The following CFAP70 variants were observed in gnomAD, a reference collection of about 807,000 sequenced individuals.
CFAP70 encodes cilia- and flagella-associated protein 70.
A neutral mutation model predicts 137.6 loss-of-function variants in CFAP70; 81 were observed. The ratio of observed to expected loss-of-function variants is 0.59; its 90% confidence interval spans 0.49 to 0.71. CFAP70 has a LOEUF of 0.71. Ranked by LOEUF, CFAP70 falls within the 30% of genes least tolerant of loss-of-function variation. The probability of loss-of-function intolerance (pLI) is 0.00; values close to 1 mark genes in which losing one functional copy is unlikely to be tolerated. For synonymous variants in CFAP70, 382 were observed against 423.6 expected (o/e 0.90, Z 1.20); for missense variants, 976 against 1,226.7 (o/e 0.80, Z 3.05).
chr10:73,314,304 A>G (rs11000600), intron 9 of CFAP70, among the ~76,000 whole-genome samples: 16,082 of 152,216 alleles, frequency 0.11, 1,231 homozygotes, highest in East Asian at 0.3. Flanking sequence ...AAATAAATGC[A>G]GTTTATCAAT....
chr10:73,353,640 C>T (rs761988014), exon 3 of CFAP70: 15 of 1,614,052 alleles, frequency 9.3e-6, no homozygotes, highest in African/African-American at 2.7e-5. Context: ...TTGTATTTTG[C>T]ACTTCCTTCT....
intron 6 of CFAP70, among the ~76,000 whole-genome samples, chr10:73,335,935 G>C (rs2052606612): frequency 6.9e-6 from 1 of 145,842 alleles, no homozygotes; most frequent in African/African-American, 2.7e-5. Context: ...GAGGCCAGGA[G>C]TTCAAGACCA....
At chr10:73,307,532 A>T (rs975224808) in intron 12 of CFAP70, among the ~76,000 whole-genome samples, 1 of 152,224 alleles carries the variant, frequency 6.6e-6, no homozygotes, top group African/African-American at 2.4e-5. Context: ...CAGATATTCC[A>T]TACAAATAGT....
intron 25 of CFAP70, among the ~76,000 whole-genome samples, chr10:73,262,743 G>T (rs1564746040): frequency 6.6e-6 from 1 of 152,090 alleles, no homozygotes; most frequent in Non-Finnish European, 1.5e-5. Context: ...GTATCCACTG[G>T]GGGGTCTTGG....
intron 17 of CFAP70, 43 bp downstream of exon 18, chr10:73,291,833 ACTTAT>A (rs1322141059): frequency 6.2e-7 from 1 of 1,613,592 alleles, no homozygotes; most frequent in Admixed American, 1.7e-5. Context: ...TCACGTAGAA[ACTTAT>A]CTGTTCCTTC....
At chr10:73,307,009 A>G (rs1011519372) in intron 12 of CFAP70, among the ~76,000 whole-genome samples, 1 of 152,214 alleles carries the variant, frequency 6.6e-6, no homozygotes, top group Admixed American at 6.5e-5. Flanking sequence ...TGCATAAAAT[A>G]ATAATGATAA....
chr10:73,253,884 G>T, exon 27 of CFAP70: 1 of 1,007,882 alleles, frequency 9.9e-7, no homozygotes, highest in Non-Finnish European at 1.5e-6. Flanking sequence ...AGATTCTTTC[G>T]TTCTCCAGCT....
Position 73,312,662 on chromosome 10 carries a change from A to G in CFAP70, c.913-19T>C. On this transcript the variant is annotated intron_variant, in intron 9 of 26. Coordinates refer to ENST00000310715, the Ensembl canonical transcript of CFAP70. ...ATTTGGTCTGAAAAACAAAAAAACA[A>G]ACAAAAAAAAGCAATACATGAGACA... 6 of 1,537,756 alleles carry G rather than the reference A, an allele frequency of 3.9e-6. No individual in the cohort carries two copies. The highest frequency in any genetic ancestry group is 3.5e-6 in the Non-Finnish European group (4 of 1,149,500).
At chr10:73,257,876 CTTTT>C (rs745485451) in intron 25 of CFAP70, among the ~76,000 whole-genome samples, 1 of 129,902 alleles carries the variant, frequency 7.7e-6, no homozygotes, top group Admixed American at 7.9e-5. Flanking sequence ...CCTTTTCCTT[CTTTT>C]TTTTTTTTTT....
rs537834113 is a variant in CFAP70 at position 73,264,945 on chromosome 10, T to A, written c.3027+4669A>T. Among the ~76,000 whole-genome samples the A allele has an allele frequency of 2.6e-5, 4 of 152,308 alleles. No homozygotes were observed. In the East Asian group the frequency reaches 7.7e-4, roughly 29 times the overall value. Reference sequence around the variant, plus strand: ...TCACAGTGTCATCCCTCTCATTTCCTCCCTCCTCTACCCATGCCCACTCAT... The same window carrying A: ...TCACAGTGTCATCCCTCTCATTTCCACCCTCCTCTACCCATGCCCACTCAT... On this transcript the variant is annotated intron_variant, in intron 25 of 26. Transcript: ENST00000310715.
chr10:73,353,559 A>G lies in CFAP70; in HGVS notation c.247T>C (p.Phe83Leu), dbSNP rs781662576. ...TTTTAGAACCACAAGGACTTACAGA[A>G]CACAGGTTTGTGAGCGAGGTCATCT... The change falls in exon 3 of 27, where the codon TTC (phenylalanine) becomes CTC (leucine). Residue 83 changes from phenylalanine to leucine, a missense_variant. By Grantham distance (22) the Phe-to-Leu change is conservative. Transcript: ENST00000310715. The G allele has an allele frequency of 1.2e-5, 20 of 1,613,892 alleles. No homozygotes were observed. The African/African-American group carries it at 2.4e-4, about 19-fold the overall frequency.
intron 3 of CFAP70, among the ~76,000 whole-genome samples, chr10:73,349,505 T>C (rs1311101576): frequency 6.7e-6 from 1 of 149,566 alleles, no homozygotes; most frequent in Non-Finnish European, 1.5e-5. Context: ...ACTGTGCCAC[T>C]GCATTACAGC....
intron 19 of CFAP70, among the ~76,000 whole-genome samples, chr10:73,278,734 A>G (rs999135682): frequency 6.6e-6 from 1 of 151,808 alleles, no homozygotes; most frequent in African/African-American, 2.4e-5. Flanking sequence ...TAATCCCAGC[A>G]CTTTGGGAGG....
At chr10:73,362,014 A>G (rs2055028015), upstream of CFAP70, among the ~76,000 whole-genome samples, 1 of 152,236 alleles carries the variant, frequency 6.6e-6, no homozygotes, top group Non-Finnish European at 1.5e-5. Context: ...TCAAGTAACG[A>G]AGACAGTAAT....
chr10:73,330,587 A>G (rs1486447847), intron 8 of CFAP70, among the ~76,000 whole-genome samples: 1 of 152,240 alleles, frequency 6.6e-6, no homozygotes, highest in East Asian at 1.9e-4. Flanking sequence ...CAAAAAGCCT[A>G]TGTTTAAAGT....
chr10:73,294,026 A>G (rs2048362267), intron 15 of CFAP70: 1 of 152,238 alleles, frequency 6.6e-6, no homozygotes, highest in African/African-American at 2.4e-5. Flanking sequence ...AAAATTCTTT[A>G]ATTAGAAGTC....
rs199739845 is a variant in CFAP70, at chr10:73,323,029, T to C, written c.846A>G (p.Pro282=). The C allele has an allele frequency of 1.5e-5, 24 of 1,613,940 alleles. 1 individual carries two copies. The Admixed American group carries it at 4.0e-4, about 27-fold the overall frequency. ...AAGCTCCCCGAATTCTCTTCACACC[T>C]GGATACAACAATGGGACCATATTAA... Residue 282 remains proline (P), a synonymous_variant, in exon 9 of 27, where the codon CCA becomes CCG. Coordinates refer to ENST00000310715, the Ensembl canonical transcript of CFAP70.
At chr10:73,324,456 C>T (rs1375767026) in intron 8 of CFAP70, among the ~76,000 whole-genome samples, 1 of 152,184 alleles carries the variant, frequency 6.6e-6, no homozygotes, top group Non-Finnish European at 1.5e-5. Flanking sequence ...AACGCAGTTC[C>T]TCACCAGCAA....
At chr10:73,323,338 G>GGGGC (rs2051062924) in intron 8 of CFAP70, among the ~76,000 whole-genome samples, 4 of 127,172 alleles carry the variant, frequency 3.1e-5, no homozygotes, top group African/African-American at 1.1e-4. Context: ...GGGCGGGGGG[G>GGGGC]GGGCAGCCAA....
Sources: allele counts gnomAD v4.1 joint callset (sites outside exome capture counted in the v4.1 genomes callset), GRCh38; gene constraint gnomAD v4.1.1; transcripts MANE v1.5; gene names NCBI Gene and HGNC (gene_info 2026-07-23, HGNC 2026-07-21).